The following ATG3 variants were observed in gnomAD, a reference collection of about 807,000 sequenced individuals.
The protein encoded by ATG3 is autophagy related 3.
A neutral mutation model predicts 50.7 loss-of-function variants in ATG3; 25 were observed. The observed-to-expected ratio is 0.49, with a 90% CI of 0.36 to 0.69. The LOEUF (loss-of-function observed/expected upper bound fraction) is 0.69, where lower values mean the gene tolerates loss of function less well. ATG3 is among the 30% of genes least tolerant of loss of function. The probability of loss-of-function intolerance (pLI) is 0.00; values close to 1 mark genes in which losing one functional copy is unlikely to be tolerated. For missense variants in ATG3, 281 were observed against 376.0 expected, an observed-to-expected ratio of 0.75 and a Z score of 2.09; for synonymous variants, 119 against 125.5, an observed-to-expected ratio of 0.95 and a Z score of 0.34.
chr3:112,548,821 C>T (rs1933445191), intron 4 of ATG3, among the ~76,000 whole-genome samples, 181 bp from the exon 5 acceptor site: 1 of 152,174 alleles, frequency 6.6e-6, no homozygotes, highest in Non-Finnish European at 1.5e-5. Context: ...AATTATTTGG[C>T]TACATTTACC....
In ATG3 at chr3:112,534,156, TGAG is replaced by T. The variant is rs778160646; in HGVS notation, c.863+110_863+112del. ...AAAGACTTCTACTAGGATTTTCAGA[TGAG>T]AAGTTAAAACAAGTTATAGCTACTG... On this transcript the variant is annotated intron_variant, in intron 11 of 11. Transcript: ENST00000283290. The T allele has an allele frequency of 7.4e-6, 11 of 1,476,838 alleles. No individual in the cohort carries two copies. In the South Asian group the frequency reaches 1.4e-4, roughly 19 times the overall value. 91.5% of individuals were successfully genotyped at this position (1,476,838 alleles called of 1,614,324 possible).
In ATG3 at chr3:112,541,891, A is replaced by G; in HGVS notation, c.394-7T>C. ...CTTGAAGCCTTATATTGTCCTTTGA[A>G]ATTAATTATATTTAAAATCACTTAA... On this transcript the variant is annotated splice_region_variant and splice_polypyrimidine_tract_variant and intron_variant, in intron 6 of 11. Coordinates refer to ENST00000283290, the MANE Select transcript of ATG3 (RefSeq NM_022488.5). 6.3e-7 allele frequency: 1 copy of G among 1,599,216 alleles called. No individual in the cohort carries two copies. Among genetic ancestry groups the G allele is most frequent in the Non-Finnish European group, 8.5e-7 (1 of 1,169,714 alleles).
chr3:112,550,298 A>G, intron 3 of ATG3, 36 bp from the exon 4 acceptor site: 3 of 1,470,610 alleles, frequency 2.0e-6, no homozygotes, highest in Non-Finnish European at 2.8e-6. Flanking sequence ...AATACAAAAC[A>G]TATTTTAATA....
In ATG3 at chr3:112,561,808, G is replaced by C. The variant is rs1361887502; in HGVS notation, c.-280C>G. ...AGCCGCGAGGGAGGGCAGCGGGGCC[G>C]AAGGGAGACCTGAGGTGAGAAGCGG... On this transcript the variant is annotated 5_prime_UTR_variant, in exon 1 of 12. Coordinates refer to ENST00000283290, the MANE Select transcript of ATG3 (RefSeq NM_022488.5). 4 of 449,122 alleles carry C rather than the reference G, an allele frequency of 8.9e-6. No individual in the cohort carries two copies. In the East Asian group the frequency reaches 1.8e-4, roughly 21 times the overall value. The allele number at this position is 449,122 out of a possible 1,614,324, so 27.8% of individuals were successfully genotyped here.
chr3:112,561,086 T>C (rs897052815), intron 1 of ATG3, among the ~76,000 whole-genome samples: 3 of 152,140 alleles, frequency 2.0e-5, no homozygotes, highest in Admixed American at 2.0e-4. Flanking sequence ...AACACTAAAT[T>C]CATTTTTTAA....
At chr3:112,557,633 A>G (rs1306107001) in intron 2 of ATG3, among the ~76,000 whole-genome samples, 1 of 152,184 alleles carries the variant, frequency 6.6e-6, no homozygotes, top group Non-Finnish European at 1.5e-5. Context: ...AAAAAATTAA[A>G]AAAACCACAA....
chr3:112,543,180 A>G (rs1206510324), intron 6 of ATG3, among the ~76,000 whole-genome samples: 2 of 152,150 alleles, frequency 1.3e-5, no homozygotes, highest in Admixed American at 6.5e-5. Flanking sequence ...CAAAAGTGTC[A>G]TAAGACTAGG....
intron 11 of ATG3, chr3:112,533,553 C>T (rs1489922099): frequency 1.0e-6 from 1 of 985,198 alleles, no homozygotes; most frequent in Non-Finnish European, 1.2e-6. Context: ...ATCTTAGTCT[C>T]CACATCTAAT....
In ATG3 at chr3:112,559,694, C is replaced by A. The variant is rs1933787651; in HGVS notation, c.73-1277G>T. ...ATAGAGGGAAGAGCACATGCAAAAC[C>A]CCAAACCAAGAGTGTGCTTAACAGA... On this transcript the variant is annotated intron_variant, in intron 1 of 11. Transcript: ENST00000283290. Among the ~76,000 whole-genome samples the A allele has an allele frequency of 3.3e-5, 5 of 152,148 alleles. No individual in the cohort carries two copies. In the South Asian group the frequency reaches 1.0e-3, roughly 32 times the overall value.
chr3:112,533,359 T>G (rs914957401), intron 11 of ATG3: 4 of 985,096 alleles, frequency 4.1e-6, no homozygotes, highest in Middle Eastern at 1.0e-3. Context: ...GAATTATATA[T>G]AGACAGTCTT....
At chr3:112,542,098 T>A (rs1467516689) in intron 6 of ATG3, among the ~76,000 whole-genome samples, 4 of 150,246 alleles carry the variant, frequency 2.7e-5, no homozygotes, top group Non-Finnish European at 5.9e-5. Flanking sequence ...ATAACAAAGG[T>A]TATTATGGGA....
At chr3:112,540,244 G>A (rs1933189011) in intron 7 of ATG3, among the ~76,000 whole-genome samples, 1 of 152,214 alleles carries the variant, frequency 6.6e-6, no homozygotes, top group African/African-American at 2.4e-5. Flanking sequence ...GTTTCATGGG[G>A]AATTGAAAGT....
At position 112,532,644 on chromosome 3, in the gene ATG3, G is replaced by C. The variant is rs1307959881; in HGVS notation, c.*55C>G. The C allele has an allele frequency of 7.3e-7, 1 of 1,371,330 alleles. No individual in the cohort carries two copies. The allele number at this position is 1,371,330 out of a possible 1,614,324, so 84.9% of individuals were successfully genotyped here. ...ATATGGTCAATGGTCACATCTATGG[G>C]TTAATTCTTTAAAAATCAGAACCAA... On this transcript the variant is annotated 3_prime_UTR_variant, in exon 12 of 12. Coordinates refer to ENST00000283290, the MANE Select transcript of ATG3 (RefSeq NM_022488.5).
chr3:112,540,430 C>T (rs1037516923), intron 7 of ATG3, among the ~76,000 whole-genome samples: 1 of 152,302 alleles, frequency 6.6e-6, no homozygotes, highest in South Asian at 2.1e-4. Flanking sequence ...TCAATGCCTG[C>T]CTTTTTTTCA....
At chr3:112,557,463 C>T (rs1443165294) in intron 2 of ATG3, among the ~76,000 whole-genome samples, 1 of 152,158 alleles carries the variant, frequency 6.6e-6, no homozygotes, top group Non-Finnish European at 1.5e-5. Context: ...ACTAAAAGTA[C>T]AAAACTTAGC....
At chr3:112,551,119 C>T (rs552945030) in intron 3 of ATG3, among the ~76,000 whole-genome samples, 2 of 152,218 alleles carry the variant, frequency 1.3e-5, no homozygotes, top group East Asian at 3.9e-4. Context: ...CATCTGAAAA[C>T]GGTGAGAGGT....
At position 112,534,096 on chromosome 3, in the gene ATG3, A is replaced by C; in HGVS notation, c.863+173T>G. 4 of 1,364,956 alleles carry C rather than the reference A, an allele frequency of 2.9e-6. No homozygotes were observed. In the East Asian group the frequency reaches 1.1e-4, roughly 37 times the overall value. The allele number at this position is 1,364,956 out of a possible 1,614,324, so 84.6% of individuals were successfully genotyped here. On this transcript the variant is annotated intron_variant, in intron 11 of 11. Transcript: ENST00000283290. Reference sequence around the variant, plus strand: ...CATGTTCTAATCAACTAAGCAAGGCATAACTATCACAATATAACATTTTCT... The same window carrying C: ...CATGTTCTAATCAACTAAGCAAGGCCTAACTATCACAATATAACATTTTCT...
chr3:112,548,554 C>T lies in ATG3; in HGVS notation c.322G>A (p.Val108Ile), dbSNP rs1440109060. Residue 108 changes from valine to isoleucine, a missense_variant, in exon 5 of 12, where the codon GTA becomes ATA. Physicochemically the swap from Val to Ile is conservative, Grantham distance 29. Coordinates refer to ENST00000283290, the MANE Select transcript of ATG3 (RefSeq NM_022488.5). ...TTACCTGTGTTGTGATATGTATCTA[C>T]CCATCCGCCATCACCATCATCTTCT... The part of the protein sequence containing the change: ...IEEDDGDGGW[V>I]DTYHNTGITG... The T allele has an allele frequency of 6.2e-7, 1 of 1,613,000 alleles. No individual in the cohort carries two copies. Among genetic ancestry groups the T allele is most frequent in the Non-Finnish European group, 8.5e-7 (1 of 1,179,130 alleles).
intron 6 of ATG3, chr3:112,543,855 G>C (rs1224912437): frequency 2.5e-6 from 1 of 403,816 alleles, no homozygotes; most frequent in Non-Finnish European, 4.5e-6. Flanking sequence ...AATAAGAGAT[G>C]CATTAGGCAG....
Sources: gnomAD v4.1 joint callset for allele counts (sites outside exome capture counted in the v4.1 genomes callset) on GRCh38, gnomAD v4.1.1 for gene constraint, MANE v1.5 for transcripts, NCBI Gene and HGNC (gene_info 2026-07-23, HGNC 2026-07-21) for gene names.